The following MACF1 variants were observed in gnomAD, a reference collection of about 807,000 sequenced individuals.
The protein encoded by MACF1 is microtubule actin crosslinking factor 1, also known as microtubule-actin cross-linking factor 1.
MACF1 carries 193 observed loss-of-function variants against 854.8 expected under a neutral mutation model. The observed-to-expected ratio is 0.23, with a 90% CI of 0.20 to 0.25. The LOEUF is 0.25. MACF1 is among the 10% of genes least tolerant of loss of function. The pLI, the probability that MACF1 is intolerant of heterozygous loss-of-function variation, is 1.00. For synonymous variants in MACF1, 3,185 were observed against 3,226.7 expected (o/e 0.99, Z 0.44); for missense variants, 7,722 against 8,929.1 (o/e 0.86, Z 5.45).
In MACF1 at chr1:39,485,998, C is replaced by T; in HGVS notation, c.*204C>T. On this transcript the variant is annotated 3_prime_UTR_variant, in exon 101 of 101. Transcript: ENST00000564288. ...AGATAAAATTTGCCTCCTGGTAACC[C>T]TGTAATGGATGGGGCCCAGAAATGA... The T allele has an allele frequency of 2.3e-6, 1 of 441,086 alleles. No homozygotes were observed. The highest frequency in any genetic ancestry group is 3.8e-6 in the Non-Finnish European group (1 of 265,136). The allele number at this position is 441,086 out of a possible 1,614,324, so 27.3% of individuals were successfully genotyped here.
intron 52 of MACF1, among the ~76,000 whole-genome samples, chr1:39,377,358 G>A (rs758831292): frequency 2.0e-5 from 3 of 152,152 alleles, no homozygotes; most frequent in African/African-American, 7.2e-5. Flanking sequence ...GTACAGTGAA[G>A]TCAGTGCATA....
chr1:39,379,554 G>T, intron 54 of MACF1, 110 bp downstream of exon 54: 1 of 1,176,054 alleles, frequency 8.5e-7, no homozygotes, highest in Non-Finnish European at 1.2e-6. Flanking sequence ...AACAATCTAG[G>T]CTGTGATGGG....
intron 71 of MACF1, 106 bp downstream of exon 71, chr1:39,438,114 A>C (rs1343037585): frequency 5.9e-6 from 6 of 1,011,648 alleles, no homozygotes; most frequent in African/African-American, 1.6e-5. Flanking sequence ...ATGTAAAGGC[A>C]GTCCCCAGTA....
intron 2 of MACF1, among the ~76,000 whole-genome samples, chr1:39,102,245 A>T (rs1198568427): frequency 6.6e-6 from 1 of 152,144 alleles, no homozygotes; most frequent in African/African-American, 2.4e-5. Context: ...AAGAAAGACG[A>T]AATAGTTAAT....
chr1:39,443,894 A>AAG (rs1644169578), intron 79 of MACF1, among the ~76,000 whole-genome samples: 1 of 152,214 alleles, frequency 6.6e-6, no homozygotes, highest in African/African-American at 2.4e-5. Context: ...GAAACTACTT[A>AAG]AGGGGGGTTT....
intron 58 of MACF1, among the ~76,000 whole-genome samples, chr1:39,418,792 G>C (rs1643424674): frequency 6.6e-6 from 1 of 152,148 alleles, no homozygotes; most frequent in South Asian, 2.1e-4. Flanking sequence ...GAACCTGGGA[G>C]GCAGAGGTTG....
At chr1:39,377,308 G>A (rs1015431301) in intron 52 of MACF1, among the ~76,000 whole-genome samples, 4 of 152,112 alleles carry the variant, frequency 2.6e-5, no homozygotes, top group Admixed American at 6.5e-5. Context: ...CACCGCGCCC[G>A]GCCAACTATT....
upstream of MACF1, among the ~76,000 whole-genome samples, chr1:39,200,108 A>G (rs144911373): frequency 2.0e-5 from 3 of 152,304 alleles, no homozygotes; most frequent in East Asian, 5.8e-4. Flanking sequence ...CACTTGTTAG[A>G]GTCACCAGTG....
At chr1:39,103,231 CT>C (rs750082848) in intron 2 of MACF1, 123 of 344,650 alleles carry the variant, frequency 3.6e-4, no homozygotes, top group Non-Finnish European at 5.2e-4. Flanking sequence ...CTTTTTGCCC[CT>C]GTTCTTTCTT....
chr1:39,137,045 A>G (rs1407662614), intron 2 of MACF1, among the ~76,000 whole-genome samples: 2 of 152,120 alleles, frequency 1.3e-5, no homozygotes, highest in Non-Finnish European at 2.9e-5. Flanking sequence ...GACTTTTTTC[A>G]AAGTTTGTTA....
At position 39,485,583 on chromosome 1, in the gene MACF1, G is replaced by A. The variant is rs554832714; in HGVS notation, c.22457G>A (p.Arg7486Gln). 244 of 1,613,844 alleles carry A rather than the reference G, an allele frequency of 1.5e-4. 1 individual carries two copies. Among genetic ancestry groups the A allele is most frequent in the East Asian group, 7.1e-4 (32 of 44,878 alleles). Reference protein sequence around the residue: ...ASRPGSRAGSRAGSRASSRRG... With the variant: ...ASRPGSRAGSQAGSRASSRRG... Reference sequence around the variant, plus strand: ...CGCCCTGGGAGTCGGGCTGGGAGTCGAGCCGGGAGTCGAGCCAGCAGCCGG... The same window carrying A: ...CGCCCTGGGAGTCGGGCTGGGAGTCAAGCCGGGAGTCGAGCCAGCAGCCGG... Residue 7486 changes from arginine to glutamine, a missense_variant, in exon 101 of 101, where the codon CGA becomes CAA. Coordinates refer to ENST00000564288, the MANE Select transcript of MACF1 (RefSeq NM_001394062.1).
intron 1 of MACF1, among the ~76,000 whole-genome samples, chr1:39,210,791 A>G (rs1447149167): frequency 1.3e-5 from 2 of 152,126 alleles, no homozygotes; most frequent in African/African-American, 4.8e-5. Flanking sequence ...CAGATTGCCT[A>G]TGTTTTTATC....
chr1:39,486,932 G>A lies in MACF1; in HGVS notation c.*1138G>A, dbSNP rs1645107726. On this transcript the variant is annotated 3_prime_UTR_variant, in exon 101 of 101. Transcript: ENST00000564288. ...AGGCAGAAACTGAAGCTCTACCAAT[G>A]AACTGTTTAGAAACAAGACACACTT... The A allele has an allele frequency of 6.6e-6, 1 of 152,576 alleles. No homozygotes were observed. 9.5% of individuals were successfully genotyped at this position (152,576 alleles called of 1,614,324 possible).
chr1:39,187,323 A>G (rs1023220923), intron 2 of MACF1, among the ~76,000 whole-genome samples: 5 of 152,212 alleles, frequency 3.3e-5, no homozygotes, highest in African/African-American at 9.7e-5. Context: ...CTTCTCTCTC[A>G]GTATGTTGAA....
chr1:39,107,064 C>T (rs1420630166), intron 2 of MACF1, among the ~76,000 whole-genome samples: 2 of 152,074 alleles, frequency 1.3e-5, no homozygotes, highest in Non-Finnish European at 2.9e-5. Context: ...AAATGCTGCT[C>T]AGTGAATGGT....
At chr1:39,201,056 A>C (rs990464813), upstream of MACF1, among the ~76,000 whole-genome samples, 1 of 152,218 alleles carries the variant, frequency 6.6e-6, no homozygotes, top group East Asian at 1.9e-4. Context: ...CATCTCTGGT[A>C]TCAGTCTTCC....
chr1:39,349,045 T>G (rs766587741), intron 41 of MACF1, among the ~76,000 whole-genome samples: 3 of 150,446 alleles, frequency 2.0e-5, no homozygotes, highest in Admixed American at 6.6e-5. Context: ...AGGTCTTTGA[T>G]TTTTCTTTCT....
At chr1:39,321,355 G>A (rs977893432) in intron 31 of MACF1, among the ~76,000 whole-genome samples, 1 of 152,184 alleles carries the variant, frequency 6.6e-6, no homozygotes, top group African/African-American at 2.4e-5. Flanking sequence ...CAAACTTAAA[G>A]TGCACTCAGT....
In MACF1 at chr1:39,486,720, C is replaced by T. The variant is rs1362220669; in HGVS notation, c.*926C>T. 3.9e-5 allele frequency: 6 copies of T among 152,622 alleles called. No homozygotes were observed. Among genetic ancestry groups the T allele is most frequent in the African/African-American group, 7.2e-5 (3 of 41,438 alleles). The allele number at this position is 152,622 out of a possible 1,614,324, so 9.5% of individuals were successfully genotyped here. A position where few individuals can be genotyped will look rare whatever the true frequency, so the allele number is the denominator to read the frequency against. The stretch of plus-strand genomic sequence containing the variant: ...TGTGGACGTAAGACAAACACGTGCT[C>T]GTCCTTTAATGGAGTTCACCAGCAC... On this transcript the variant is annotated 3_prime_UTR_variant, in exon 101 of 101. Transcript: ENST00000564288.
Sources: gnomAD v4.1 joint callset for allele counts (sites outside exome capture counted in the v4.1 genomes callset) on GRCh38, gnomAD v4.1.1 for gene constraint, MANE v1.5 for transcripts, NCBI Gene and HGNC (gene_info 2026-07-23, HGNC 2026-07-21) for gene names.